MAGEB1: variants seen among roughly 807,000 people sequenced by gnomAD.
MAGEB1 encodes melanoma-associated antigen B1.
For missense variants in MAGEB1, 290 were observed against 286.7 expected (o/e 1.01, Z -0.08); for synonymous variants, 99 against 105.7 (o/e 0.94, Z 0.39).
At chrX:30,249,070 A>T (rs1397997741) in intron 1 of MAGEB1, among the ~76,000 whole-genome samples, 1 of 111,164 alleles carries the variant, frequency 9.0e-6, no homozygotes, top group Admixed American at 9.5e-5. Flanking sequence ...AAGTACCCAG[A>T]TGTGTCATCC....
intron 1 of MAGEB1, among the ~76,000 whole-genome samples, chrX:30,249,822 T>C (rs969950380): frequency 9.9e-6 from 1 of 100,704 alleles, no homozygotes; most frequent in African/African-American, 3.7e-5. Context: ...CCACCCCAAA[T>C]AGAGGAAAAA....
chrX:30,250,597 AAG>A lies in MAGEB1; in HGVS notation c.107_108del (p.Glu36GlyfsTer44), dbSNP rs1176443818. The A allele has an allele frequency of 5.8e-6, 7 of 1,207,033 alleles. No homozygotes were observed. In the African/African-American group the frequency reaches 1.2e-4, roughly 21 times the overall value. On this transcript the variant is annotated frameshift_variant, in exon 2 of 2. Transcript: ENST00000397548. LOFTEE classifies it low-confidence loss of function (END_TRUNC). ...GTTGCTCACGCCACTGCAGCAGAGA[AAG>A]AGGAGTGCCCCTCCTCCTCTCCTGT... is the stretch of plus-strand genomic sequence containing the variant.
At chrX:30,244,485 C>T (rs1056499083), upstream of MAGEB1, among the ~76,000 whole-genome samples, 1 of 111,457 alleles carries the variant, frequency 9.0e-6, no homozygotes, top group Non-Finnish European at 1.9e-5. Context: ...TATCATATAA[C>T]GAAGGTAATG....
At chrX:30,249,153 G>C (rs1017650934) in intron 1 of MAGEB1, among the ~76,000 whole-genome samples, 2 of 111,786 alleles carry the variant, frequency 1.8e-5, no homozygotes, top group African/African-American at 6.5e-5. Context: ...AGTGGGATTA[G>C]AGAGGAGCTC....
rs377564457 is a variant in MAGEB1, at chrX:30,251,675, GTTTTTC to G, written c.*143_*148del. The G allele has an allele frequency of 7.3e-5, 38 of 521,520 alleles. No homozygotes were observed. The African/African-American group carries it at 7.6e-4, about 10-fold the overall frequency. 43.0% of individuals were successfully genotyped at this position (521,520 alleles called of 1,213,427 possible). A position where few individuals can be genotyped will look rare whatever the true frequency, so the allele number is the denominator to read the frequency against. On this transcript the variant is annotated 3_prime_UTR_variant, in exon 2 of 2. Transcript: ENST00000397548. ...TGTTAAACATTAGTATCTTTCAAGTGTTTTTCTTTTAATAGAATGTTTATTTAGAGT... is the reference window on the plus strand; with the variant it reads ...TGTTAAACATTAGTATCTTTCAAGTGTTTTAATAGAATGTTTATTTAGAGT...
Position 30,251,624 on chromosome X carries a change from CAT to C in MAGEB1, c.*88_*89del. On this transcript the variant is annotated 3_prime_UTR_variant, in exon 2 of 2. Coordinates refer to ENST00000397548, the MANE Select transcript of MAGEB1 (RefSeq NM_177404.3). ...GCAGCCAAGATATGGCTAGAGAGAT[CAT>C]CATATATATCTCCTTTGTGTTCCTG... 2 of 726,729 alleles carry C rather than the reference CAT, an allele frequency of 2.8e-6. No homozygotes were observed. Among genetic ancestry groups the C allele is most frequent in the Non-Finnish European group, 4.1e-6 (2 of 486,789 alleles). 59.9% of individuals were successfully genotyped at this position (726,729 alleles called of 1,213,427 possible).
At chrX:30,244,132 A>C (rs1925230257), upstream of MAGEB1, 1 of 123,612 alleles carries the variant, frequency 8.1e-6, no homozygotes, top group Admixed American at 9.4e-5. Flanking sequence ...GGAATTTGTG[A>C]AAAGGAAATT....
chrX:30,250,167 A>G (rs1322235182), intron 1 of MAGEB1, among the ~76,000 whole-genome samples: 1 of 111,373 alleles, frequency 9.0e-6, no homozygotes, highest in Admixed American at 9.5e-5. Flanking sequence ...TGTCAGCTTC[A>G]GAGCAGCACA....
rs1489158396 is a variant in MAGEB1 at position 30,251,306 on chromosome X, A to G, written c.813A>G (p.Leu271=). ...GTGATCCCCCACGCTATCAATTCCTATGGGGTCCGAGAGCCTATGCTGAAA... is the reference window on the plus strand; with the variant it reads ...GTGATCCCCCACGCTATCAATTCCTGTGGGGTCCGAGAGCCTATGCTGAAA... ...PNSDPPRYQF[L]WGPRAYAETT... is the part of the protein sequence containing the mutation. The change falls in exon 2 of 2, where the codon CTA becomes CTG. Residue 271 remains leucine (L), a synonymous_variant. Coordinates refer to ENST00000397548, the MANE Select transcript of MAGEB1 (RefSeq NM_177404.3). The G allele has an allele frequency of 5.0e-6, 6 of 1,211,655 alleles. No homozygotes were observed. In the African/African-American group the frequency reaches 6.9e-5, roughly 14 times the overall value.
chrX:30,245,117 A>G (rs1172152397), upstream of MAGEB1, among the ~76,000 whole-genome samples: 1 of 112,009 alleles, frequency 8.9e-6, no homozygotes, highest in African/African-American at 3.2e-5. Flanking sequence ...CTTGAACCAA[A>G]GCCTAGAAGG....
intron 1 of MAGEB1, among the ~76,000 whole-genome samples, chrX:30,247,633 C>G (rs959526980): frequency 1.3e-3 from 146 of 112,182 alleles, no homozygotes; most frequent in African/African-American, 4.1e-3. Flanking sequence ...AGGCTTTGGC[C>G]TAAGCCTTAT....
chrX:30,249,418 C>T (rs1414711332), intron 1 of MAGEB1, among the ~76,000 whole-genome samples: 2 of 111,244 alleles, frequency 1.8e-5, no homozygotes, highest in African/African-American at 6.6e-5. Flanking sequence ...TGTATGTCAG[C>T]GCTAGGAAGC....
At chrX:30,244,670 G>A (rs777824842), upstream of MAGEB1, among the ~76,000 whole-genome samples, 6 of 111,925 alleles carry the variant, frequency 5.4e-5, no homozygotes, top group African/African-American at 9.7e-5. Context: ...TATATGGGGC[G>A]CACTGAGCAG....
At chrX:30,246,835 G>T (rs996941989), upstream of MAGEB1, among the ~76,000 whole-genome samples, 4 of 111,900 alleles carry the variant, frequency 3.6e-5, no homozygotes, top group Admixed American at 3.8e-4. Flanking sequence ...AGGACTCTGA[G>T]AGCTGATGAG....
chrX:30,249,900 C>T (rs1184320996), intron 1 of MAGEB1, among the ~76,000 whole-genome samples: 1 of 111,373 alleles, frequency 9.0e-6, no homozygotes, highest in Non-Finnish European at 1.9e-5. Flanking sequence ...CAGGCTGAGA[C>T]TTTATTTCTT....
chrX:30,248,017 G>T (rs1157962412), intron 1 of MAGEB1, among the ~76,000 whole-genome samples: 3 of 108,701 alleles, frequency 2.8e-5, no homozygotes, highest in Non-Finnish European at 5.7e-5. Context: ...AGCCTTGGTG[G>T]GATGTGGCCC....
chrX:30,250,471 T>C lies in MAGEB1; in HGVS notation c.-23T>C. ...CTGCCTTTCTGCTCACTTTCCTGCC[T>C]GTTTTGCCTGACCACAGCCATCATG... On this transcript the variant is annotated 5_prime_UTR_variant, in exon 2 of 2. Transcript: ENST00000397548. 1.7e-6 allele frequency: 2 copies of C among 1,150,874 alleles called. No individual in the cohort carries two copies. The highest frequency in any genetic ancestry group is 2.3e-6 in the Non-Finnish European group (2 of 862,739). 94.8% of individuals were successfully genotyped at this position (1,150,874 alleles called of 1,213,427 possible).
rs1279961575 is a variant in MAGEB1 at position 30,250,487 on chromosome X, A to AGCC, written c.-6_-4dup. 8.5e-7 allele frequency: 1 copy of AGCC among 1,171,636 alleles called. No individual in the cohort carries two copies. Among genetic ancestry groups the AGCC allele is most frequent in the Non-Finnish European group, 1.1e-6 (1 of 875,332 alleles). Reference sequence around the variant, plus strand: ...TTTCCTGCCTGTTTTGCCTGACCACAGCCATCATGCCTCGGGGTCAGAAGA... The same window carrying AGCC: ...TTTCCTGCCTGTTTTGCCTGACCACAGCCGCCATCATGCCTCGGGGTCAGAAGA... On this transcript the variant is annotated 5_prime_UTR_variant, in exon 2 of 2. Coordinates refer to ENST00000397548, the MANE Select transcript of MAGEB1 (RefSeq NM_177404.3).
chrX:30,251,714 T>C lies in MAGEB1; in HGVS notation c.*177T>C. ...AGAATGTTTATTTAGAGTTGGGATC[T>C]ATGTCTATGAGCGACATGGATCACA... On this transcript the variant is annotated 3_prime_UTR_variant, in exon 2 of 2. Coordinates refer to ENST00000397548, the MANE Select transcript of MAGEB1 (RefSeq NM_177404.3). The C allele has an allele frequency of 4.6e-6, 2 of 436,930 alleles. No individual in the cohort carries two copies. Among genetic ancestry groups the C allele is most frequent in the South Asian group, 5.1e-5 (1 of 19,504 alleles). The allele number at this position is 436,930 out of a possible 1,213,427, so 36.0% of individuals were successfully genotyped here.
Sources: allele counts gnomAD v4.1 joint callset (sites outside exome capture counted in the v4.1 genomes callset), GRCh38; gene constraint gnomAD v4.1.1; transcripts MANE v1.5; gene names NCBI Gene and HGNC (gene_info 2026-07-23, HGNC 2026-07-21).